The following ARV1 variants were observed in gnomAD, a reference collection of about 807,000 sequenced individuals.
ARV1 encodes ARV1 fatty acid homeostasis modulator, also known as protein ARV1.
A neutral mutation model predicts 31.1 loss-of-function variants in ARV1; 26 were observed. The ratio of observed to expected loss-of-function variants is 0.84; its 90% confidence interval spans 0.61 to 1.16. The LOEUF is 1.16. ARV1 is among the 50% of genes most tolerant of loss of function. ARV1 has a pLI of 0.00. For synonymous variants in ARV1, 117 were observed against 123.2 expected (o/e 0.95, Z 0.34); for missense variants, 281 against 324.9 (o/e 0.86, Z 1.04).
intron 1 of ARV1, among the ~76,000 whole-genome samples, chr1:230,980,638 G>C (rs1003857824): frequency 1.3e-5 from 2 of 151,944 alleles, no homozygotes; most frequent in Admixed American, 6.6e-5. Flanking sequence ...AAACAGAAGA[G>C]AACTTCCACC....
At position 230,991,631 on chromosome 1, in the gene ARV1, C is replaced by CTTT. The variant is rs35843547; in HGVS notation, c.448+1384_448+1386dup. On this transcript the variant is annotated intron_variant, in intron 3 of 5. Transcript: ENST00000310256. ...TGGCTCCACCTTCAAAGTACTTCTACTTTTTTTTTTTTTTTTTTGAGACGG... is the reference window on the plus strand; with the variant it reads ...TGGCTCCACCTTCAAAGTACTTCTACTTTTTTTTTTTTTTTTTTTTTGAGACGG... Among the ~76,000 whole-genome samples, 223 of 133,002 alleles carry CTTT rather than the reference C, an allele frequency of 1.7e-3. 3 individuals carry two copies. Among genetic ancestry groups the CTTT allele is most frequent in the East Asian group, 3.5e-3 (16 of 4,566 alleles). The allele number at this position is 133,002 out of a possible 152,430, so 87.3% of individuals were successfully genotyped here.
intron 1 of ARV1, among the ~76,000 whole-genome samples, chr1:230,984,363 C>CGTGTGTGTGTGTGTGTGTGCGTGT (rs1678997325): frequency 7.7e-6 from 1 of 129,762 alleles, no homozygotes; most frequent in Admixed American, 7.9e-5. Flanking sequence ...TGTGTGTGTG[C>CGTGTGTGTGTGTGTGTGTGCGTGT]GTGTGTGTGT....
chr1:230,994,136 C>T (rs34246097), intron 3 of ARV1, among the ~76,000 whole-genome samples: 36,672 of 152,108 alleles, frequency 0.24, 4,700 homozygotes, highest in Non-Finnish European at 0.28. Flanking sequence ...GTATTCTATA[C>T]GTAGGTAGCA....
At chr1:230,987,604 G>T (rs961405769) in intron 1 of ARV1, among the ~76,000 whole-genome samples, 1 of 152,168 alleles carries the variant, frequency 6.6e-6, no homozygotes, top group Non-Finnish European at 1.5e-5. Context: ...AAGAGCCAAG[G>T]GAGCCTTGAT....
Position 230,997,189 on chromosome 1 carries a change from A to G in ARV1, c.742A>G (p.Met248Val). 6.2e-7 allele frequency: 1 copy of G among 1,613,818 alleles called. No individual in the cohort carries two copies. The highest frequency in any genetic ancestry group is 1.1e-5 in the South Asian group (1 of 91,074). The change falls in exon 5 of 6, where the codon ATG (methionine) becomes GTG (valine). Residue 248 changes from methionine (M) to valine (V), a missense_variant. By Grantham distance (21) the Met-to-Val change is conservative. Coordinates refer to ENST00000310256, the MANE Select transcript of ARV1 (RefSeq NM_022786.3). Reference sequence around the variant, plus strand: ...GAGTGGCTTACTGCTGGAAAGCATCATGGTCTACTTCTTCCAGAGTATGGA... The same window carrying G: ...GAGTGGCTTACTGCTGGAAAGCATCGTGGTCTACTTCTTCCAGAGTATGGA... ...VLSGLLLESI[M>V]VYFFQSMEWD...
chr1:230,980,237 C>T lies in ARV1; in HGVS notation c.174+958C>T, dbSNP rs529038410. 1.2e-4 allele frequency among the ~76,000 whole-genome samples: 19 copies of T among 152,276 alleles called. No homozygotes were observed. In the South Asian group the frequency reaches 3.9e-3, roughly 32 times the overall value. The stretch of plus-strand genomic sequence containing the variant: ...CATATTGCCTGGTCTTGTCCCTGTA[C>T]CCATGCAGCAGTACGTTGCTGGGGA... On this transcript the variant is annotated intron_variant, in intron 1 of 5. Transcript: ENST00000310256.
intron 1 of ARV1, among the ~76,000 whole-genome samples, chr1:230,984,363 CGTGTGTGTGT>C (rs34285543): frequency 0.011 from 1,414 of 129,830 alleles, 30 homozygotes; most frequent in African/African-American, 0.038. Context: ...TGTGTGTGTG[CGTGTGTGTGT>C]GTGTGTGTGT....
intron 1 of ARV1, among the ~76,000 whole-genome samples, chr1:230,983,189 C>T (rs192584645): frequency 1.6e-4 from 24 of 152,142 alleles, no homozygotes; most frequent in African/African-American, 4.1e-4. Flanking sequence ...CCAAGGCAGG[C>T]GGAGCACGAG....
Position 230,979,239 on chromosome 1 carries a change from A to G in ARV1, c.134A>G (p.Tyr45Cys). 8.7e-6 allele frequency: 14 copies of G among 1,613,510 alleles called. No individual in the cohort carries two copies. The highest frequency in any genetic ancestry group is 1.2e-5 in the Non-Finnish European group (14 of 1,179,776). Reference protein sequence around the residue: ...IECNQEAKELYRDYNHGVLKI... With the variant: ...IECNQEAKELCRDYNHGVLKI... ...TGCAACCAGGAGGCCAAAGAGTTGT[A>G]CCGAGACTATAACCACGGTGTGCTG... Residue 45 changes from tyrosine to cysteine, a missense_variant, in exon 1 of 6, where the codon TAC (tyrosine) becomes TGC (cysteine). Coordinates refer to ENST00000310256, the MANE Select transcript of ARV1 (RefSeq NM_022786.3).
intron 5 of ARV1, chr1:230,999,859 T>C (rs1479733690): frequency 6.6e-6 from 1 of 152,230 alleles, no homozygotes; most frequent in Non-Finnish European, 1.5e-5. Flanking sequence ...CAATCAATTA[T>C]AATTTATAGT....
intron 3 of ARV1, among the ~76,000 whole-genome samples, chr1:230,991,124 T>C (rs759610876): frequency 6.6e-6 from 1 of 152,228 alleles, no homozygotes; most frequent in African/African-American, 2.4e-5. Flanking sequence ...TCATAAGTTA[T>C]TGTTTTCCTA....
In ARV1 at chr1:230,988,379, T is replaced by G. The variant is rs374011918; in HGVS notation, c.234T>G (p.Ile78Met). 33 of 1,595,190 alleles carry G rather than the reference T, an allele frequency of 2.1e-5. No homozygotes were observed. Among genetic ancestry groups the G allele is most frequent in the Non-Finnish European group, 2.5e-5 (29 of 1,164,942 alleles). Residue 78 changes from isoleucine to methionine, a missense_variant, in exon 2 of 6, where the codon ATT becomes ATG. Physicochemically the swap from Ile to Met is conservative, Grantham distance 10. Coordinates refer to ENST00000310256, the MANE Select transcript of ARV1 (RefSeq NM_022786.3). ...AGTATGATCCTGTTATCATCTTGAT[T>G]AATGCTATATTGTGCAAAGCTCAGG... ...YIEYDPVIIL[I>M]NAILCKAQAY...
At chr1:230,988,838 A>G (rs574315506) in intron 2 of ARV1, among the ~76,000 whole-genome samples, 14 of 152,222 alleles carry the variant, frequency 9.2e-5, no homozygotes, top group South Asian at 2.1e-4. Flanking sequence ...ATTGCATTTT[A>G]TACTTTGCTA....
rs563939717 is a variant in ARV1 at position 230,997,346 on chromosome 1, G to A, written c.*4+79G>A. The A allele has an allele frequency of 4.4e-4, 672 of 1,518,944 alleles. 7 individuals are homozygous for A. In the South Asian group the frequency reaches 7.5e-3, roughly 17 times the overall value. 94.1% of individuals were successfully genotyped at this position (1,518,944 alleles called of 1,614,324 possible). A position where few individuals can be genotyped will look rare whatever the true frequency, so the allele number is the denominator to read the frequency against. On this transcript the variant is annotated intron_variant, in intron 5 of 5. Coordinates refer to ENST00000310256, the MANE Select transcript of ARV1 (RefSeq NM_022786.3). ...GACAGATGTCATTGTAAAAGAAGTC[G>A]GTGCCCTTACATAACCCATTCTCTA...
At chr1:230,995,650 CT>C in intron 3 of ARV1, 109 bp from the exon 4 acceptor site, 1 of 751,604 alleles carries the variant, frequency 1.3e-6, no homozygotes, top group Non-Finnish European at 2.1e-6. Context: ...GAAAGTATTT[CT>C]TATGAAGTCA....
intron 3 of ARV1, chr1:230,990,628 C>T (rs941799664): frequency 9.2e-5 from 32 of 347,434 alleles, no homozygotes; most frequent in African/African-American, 6.8e-4. Flanking sequence ...AGTCACAGCT[C>T]ACTGCAGCCC....
At chr1:230,989,892 C>G (rs893082226) in intron 2 of ARV1, among the ~76,000 whole-genome samples, 1 of 152,116 alleles carries the variant, frequency 6.6e-6, no homozygotes, top group Non-Finnish European at 1.5e-5. Context: ...GACCTGGGCT[C>G]AGACATTTAA....
chr1:230,985,408 G>A (rs1372789986), intron 1 of ARV1, among the ~76,000 whole-genome samples: 1 of 152,176 alleles, frequency 6.6e-6, no homozygotes, highest in Non-Finnish European at 1.5e-5. Flanking sequence ...AGATCCTTGA[G>A]GATAGAAACT....
chr1:230,985,765 C>G (rs1679048152), intron 1 of ARV1, among the ~76,000 whole-genome samples: 1 of 152,134 alleles, frequency 6.6e-6, no homozygotes, highest in East Asian at 1.9e-4. Context: ...GAGATGTGTT[C>G]CATGTGAGTA....
Sources: allele counts gnomAD v4.1 joint callset (sites outside exome capture counted in the v4.1 genomes callset), GRCh38; gene constraint gnomAD v4.1.1; transcripts MANE v1.5; gene names NCBI Gene and HGNC (gene_info 2026-07-23, HGNC 2026-07-21).